CRTAC1: variants seen among roughly 807,000 people sequenced by gnomAD.
The protein encoded by CRTAC1 is acidic secreted protein in cartilage.
A neutral mutation model predicts 67.8 loss-of-function variants in CRTAC1; 37 were observed. The ratio of observed to expected loss-of-function variants is 0.55; its 90% CI spans 0.42 to 0.72. The LOEUF (loss-of-function observed/expected upper bound fraction) is 0.72, where lower values mean the gene tolerates loss of function less well. Among genes scored for constraint, CRTAC1 ranks in the 30% least tolerant of loss-of-function variants. CRTAC1 has a pLI of 0.00. For missense variants in CRTAC1, 780 were observed against 931.6 expected, an observed-to-expected ratio of 0.84 and a Z score of 2.12; for synonymous variants, 348 against 371.0, an observed-to-expected ratio of 0.94 and a Z score of 0.71.
Position 97,907,192 on chromosome 10 carries a change from A to G in CRTAC1, c.850+821T>C, listed in dbSNP as rs191885334. On this transcript the variant is annotated intron_variant, in intron 6 of 14. Coordinates refer to ENST00000370597, the MANE Select transcript of CRTAC1 (RefSeq NM_018058.7). ...GACCCGGTCCTTGTAAAGCTCATAGACAAACCATGATGGCAATGTGGAGCC... is the reference window on the plus strand; with the variant it reads ...GACCCGGTCCTTGTAAAGCTCATAGGCAAACCATGATGGCAATGTGGAGCC... Among the ~76,000 whole-genome samples, 43 of 152,324 alleles carry G rather than the reference A, an allele frequency of 2.8e-4. No homozygotes were observed. In the East Asian group the frequency reaches 5.6e-3, roughly 20 times the overall value.
At chr10:97,917,315 G>A (rs2050773373) in intron 5 of CRTAC1, among the ~76,000 whole-genome samples, 185 bp downstream of exon 5, 1 of 152,158 alleles carries the variant, frequency 6.6e-6, no homozygotes, top group South Asian at 2.1e-4. Flanking sequence ...ACCAATGCTT[G>A]GAGAGGCAGT....
chr10:97,983,044 C>T (rs536989096), intron 2 of CRTAC1, among the ~76,000 whole-genome samples: 6 of 152,308 alleles, frequency 3.9e-5, no homozygotes, highest in African/African-American at 9.6e-5. Flanking sequence ...GATATGCTAA[C>T]GTGGTGACTG....
chr10:98,027,687 A>AAG (rs142801334), intron 1 of CRTAC1, among the ~76,000 whole-genome samples: 2,737 of 152,346 alleles, frequency 0.018, 90 homozygotes, highest in African/African-American at 0.063. Flanking sequence ...TGTCCATGAC[A>AAG]AGAACTGTAT....
chr10:97,944,285 G>T (rs146212145), intron 2 of CRTAC1, among the ~76,000 whole-genome samples: 6 of 152,052 alleles, frequency 3.9e-5, no homozygotes, highest in Non-Finnish European at 8.8e-5. Context: ...ACAAAAATTA[G>T]CTGAGCGTGG....
At chr10:97,907,975 G>A (rs377074623) in intron 6 of CRTAC1, 38 bp downstream of exon 6, 2 of 1,610,834 alleles carry the variant, frequency 1.2e-6, no homozygotes, top group African/African-American at 2.7e-5. Context: ...TCTGGGGTGA[G>A]GGGTCAGGGT....
chr10:97,978,902 A>G (rs1279881438), intron 2 of CRTAC1, among the ~76,000 whole-genome samples: 1 of 152,178 alleles, frequency 6.6e-6, no homozygotes, highest in Non-Finnish European at 1.5e-5. Context: ...TCTTCCAGCC[A>G]CTAGAACACA....
chr10:97,917,374 C>T (rs1277087451), intron 5 of CRTAC1, 126 bp downstream of exon 5: 19 of 657,968 alleles, frequency 2.9e-5, no homozygotes, highest in Non-Finnish European at 3.9e-5. Context: ...GCCTTCATCT[C>T]CCCTCACCAG....
chr10:97,932,058 G>A (rs2051011611), intron 3 of CRTAC1, among the ~76,000 whole-genome samples: 1 of 152,170 alleles, frequency 6.6e-6, no homozygotes, highest in Non-Finnish European at 1.5e-5. Flanking sequence ...ATGGTGGTCA[G>A]TCTTCCTCCT....
chr10:98,004,940 C>A (rs922272078), intron 2 of CRTAC1, among the ~76,000 whole-genome samples: 1 of 150,210 alleles, frequency 6.7e-6, no homozygotes, highest in East Asian at 1.9e-4. Context: ...AACAGCAAAC[C>A]GGAAACAGTT....
chr10:97,918,802 T>G (rs553001497), intron 4 of CRTAC1, among the ~76,000 whole-genome samples: 10 of 152,036 alleles, frequency 6.6e-5, no homozygotes, highest in Non-Finnish European at 1.5e-4. Context: ...TTTGTTTTTT[T>G]TTTTTGGGTC....
chr10:97,884,446 G>T, intron 11 of CRTAC1, 95 bp from the exon 12 acceptor site: 1 of 1,191,144 alleles, frequency 8.4e-7, no homozygotes, highest in Non-Finnish European at 1.2e-6. Context: ...TTGAATAAAA[G>T]CATGAATTGA....
intron 2 of CRTAC1, among the ~76,000 whole-genome samples, chr10:98,002,761 CTTTTTTTTT>C (rs531021933): frequency 7.8e-4 from 29 of 37,284 alleles, no homozygotes; most frequent in South Asian, 5.6e-3. Flanking sequence ...ACAAAACTCA[CTTTTTTTTT>C]TTTTTTTTTT....
intron 5 of CRTAC1, among the ~76,000 whole-genome samples, chr10:97,911,332 A>G (rs191519255): frequency 6.6e-6 from 1 of 152,326 alleles, no homozygotes; most frequent in East Asian, 1.9e-4. Context: ...AAATTTCTAA[A>G]TCTTTCTAAT....
rs143759177 is a variant in CRTAC1, at chr10:97,908,023, C to T, written c.840G>A (p.Ala280=). 2.9e-4 allele frequency: 466 copies of T among 1,614,106 alleles called. 1 individual carries two copies. Among genetic ancestry groups the T allele is most frequent in the Middle Eastern group, 2.0e-3 (12 of 6,062 alleles). Residue 280 remains alanine (A), a synonymous_variant, in exon 6 of 15, where the codon GCG becomes GCA. Coordinates refer to ENST00000370597, the MANE Select transcript of CRTAC1 (RefSeq NM_018058.7). ...NRGDGTFVDA[A]ASAGVDDPHQ... The stretch of plus-strand genomic sequence containing the variant: ...GCTGCCTCCACTCACCAGCACTGGC[C>T]GCAGCGTCCACAAAGGTGCCATCGC...
chr10:97,888,429 G>A (rs1369004751), intron 11 of CRTAC1, among the ~76,000 whole-genome samples: 4 of 152,152 alleles, frequency 2.6e-5, no homozygotes, highest in Non-Finnish European at 4.4e-5. Context: ...GCTGAAGATC[G>A]GGAAGAAGTT....
At chr10:97,871,850 A>T (rs911320588) in intron 14 of CRTAC1, among the ~76,000 whole-genome samples, 13 of 152,224 alleles carry the variant, frequency 8.5e-5, no homozygotes, top group Admixed American at 2.0e-4. Context: ...ATGCATCCCC[A>T]GAAAAATTAG....
At chr10:97,894,239 G>A in intron 11 of CRTAC1, among the ~76,000 whole-genome samples, 1 of 152,178 alleles carries the variant, frequency 6.6e-6, no homozygotes, top group East Asian at 1.9e-4. Context: ...ATGTAGGAGA[G>A]ATCCAGTTTC....
chr10:98,012,315 C>T (rs1021332957), intron 1 of CRTAC1, among the ~76,000 whole-genome samples: 1 of 152,132 alleles, frequency 6.6e-6, no homozygotes, highest in Non-Finnish European at 1.5e-5. Flanking sequence ...ATTCCACCCC[C>T]CTTGAGTGAA....
At chr10:97,919,391 A>G (rs1156328935) in intron 4 of CRTAC1, among the ~76,000 whole-genome samples, 3 of 152,314 alleles carry the variant, frequency 2.0e-5, no homozygotes, top group Middle Eastern at 6.8e-3. Context: ...TTCCAAGTAG[A>G]GATGAGAAAG....
Sources: gnomAD v4.1 joint callset for allele counts (sites outside exome capture counted in the v4.1 genomes callset) on GRCh38, gnomAD v4.1.1 for gene constraint, MANE v1.5 for transcripts, NCBI Gene and HGNC (gene_info 2026-07-23, HGNC 2026-07-21) for gene names.